The following SPAM1 variants were observed in gnomAD, a reference collection of about 807,000 sequenced individuals.
SPAM1 encodes the protein sperm adhesion molecule 1.
Under a neutral mutation model 29.6 loss-of-function variants are expected in SPAM1, and 22 were observed. The observed-to-expected ratio is 0.74, with a 90% CI of 0.53 to 1.06. SPAM1 has a LOEUF of 1.06. SPAM1 is among the 50% of genes least tolerant of loss of function. The probability of loss-of-function intolerance (pLI) is 0.00; values close to 1 mark genes in which losing one functional copy is unlikely to be tolerated. For missense variants in SPAM1, 534 were observed against 604.0 expected (o/e 0.88, Z 1.21); for synonymous variants, 194 against 204.6 (o/e 0.95, Z 0.44).
At chr7:123,929,485 G>A (rs1807999865) in intron 1 of SPAM1, among the ~76,000 whole-genome samples, 2 of 152,060 alleles carry the variant, frequency 1.3e-5, no homozygotes, top group Admixed American at 6.6e-5. Context: ...GTTGTATATT[G>A]TCACTAACTT....
rs575953513 is a variant in SPAM1 at position 123,933,133 on chromosome 7, C to T, written c.-319+7781C>T. ...GTTTGTTACATAGGTATACATGTGC[C>T]ATGGCGGTTTGCTTCACCTATCAAC... On this transcript the variant is annotated intron_variant, in intron 1 of 4. Coordinates refer to ENST00000682466, the MANE Select transcript of SPAM1 (RefSeq NM_153189.3). Among the ~76,000 whole-genome samples the T allele has an allele frequency of 9.9e-5, 15 of 151,542 alleles. 1 individual carries two copies. Among genetic ancestry groups the T allele is most frequent in the African/African-American group, 3.6e-4 (15 of 41,302 alleles).
At chr7:123,966,464 T>C (rs1792425881) in intron 5 of SPAM1, among the ~76,000 whole-genome samples, 1 of 152,086 alleles carries the variant, frequency 6.6e-6, no homozygotes, top group Non-Finnish European at 1.5e-5. Context: ...TAAAGACACA[T>C]GCACATGTAC....
intron 1 of SPAM1, among the ~76,000 whole-genome samples, chr7:123,929,895 A>ATTTTTTTTTTTT (rs71163712): frequency 0.021 from 2,544 of 119,524 alleles, 117 homozygotes; most frequent in Non-Finnish European, 0.026. Flanking sequence ...GTGTTTAGGG[A>ATTTTTTTTTTTT]TTTTTTTTTT....
chr7:123,926,228 C>G (rs1211577175), intron 1 of SPAM1, among the ~76,000 whole-genome samples: 1 of 152,166 alleles, frequency 6.6e-6, no homozygotes, highest in African/African-American at 2.4e-5. Context: ...CTACCTACTT[C>G]TTTTCCCTTG....
chr7:123,951,336 A>G (rs1203467461), intron 2 of SPAM1, among the ~76,000 whole-genome samples: 2 of 151,954 alleles, frequency 1.3e-5, no homozygotes, highest in East Asian at 3.9e-4. Flanking sequence ...TAGTCTGTCT[A>G]ATAACTTAGT....
Position 123,953,377 on chromosome 7 carries a change from C to A in SPAM1, c.-194C>A. ...ATTTCTTTTTCAGTTATAGGTGATG[C>A]AACTTGAAAAACAATCCTGAAACAT... On this transcript the variant is annotated 5_prime_UTR_variant, in exon 3 of 5. Transcript: ENST00000682466. The A allele has an allele frequency of 2.2e-6, 1 of 464,168 alleles. No individual in the cohort carries two copies. Among genetic ancestry groups the A allele is most frequent in the Admixed American group, 3.9e-5 (1 of 25,442 alleles). 28.8% of individuals were successfully genotyped at this position (464,168 alleles called of 1,614,324 possible). A position where few individuals can be genotyped will look rare whatever the true frequency, so the allele number is the denominator to read the frequency against.
intron 4 of SPAM1, among the ~76,000 whole-genome samples, chr7:123,956,939 A>G (rs1792260253): frequency 6.6e-6 from 1 of 151,932 alleles, no homozygotes; most frequent in Non-Finnish European, 1.5e-5. Context: ...CCTATTAGAG[A>G]GCCAATTTTA....
chr7:123,948,468 C>T (rs147109337), intron 1 of SPAM1, among the ~76,000 whole-genome samples: 58 of 152,184 alleles, frequency 3.8e-4, no homozygotes, highest in Middle Eastern at 3.4e-3. Context: ...TAATTTAGAA[C>T]ACTAAAATTA....
intron 1 of SPAM1, among the ~76,000 whole-genome samples, chr7:123,949,342 GA>G (rs1455539384): frequency 1.3e-5 from 2 of 152,094 alleles, no homozygotes; most frequent in East Asian, 3.9e-4. Flanking sequence ...TGGACACTCA[GA>G]AAATACAAAT....
chr7:123,934,622 A>C, intron 1 of SPAM1, among the ~76,000 whole-genome samples: 1 of 149,702 alleles, frequency 6.7e-6, no homozygotes, highest in Middle Eastern at 3.2e-3. Flanking sequence ...GGATAAAGAA[A>C]ATATGGTATA....
chr7:123,948,390 A>C (rs3808168), intron 1 of SPAM1, among the ~76,000 whole-genome samples: 85,127 of 151,906 alleles, frequency 0.56, 24,283 homozygotes, highest in African/African-American at 0.64. Flanking sequence ...CTTGGGGCCT[A>C]CCGCTCATGT....
rs1792203490 is a variant in SPAM1 at position 123,954,503 on chromosome 7, A to G, written c.933A>G (p.Gln311=). 6.3e-7 allele frequency: 1 copy of G among 1,594,144 alleles called. No homozygotes were observed. The highest frequency in any genetic ancestry group is 1.3e-5 in the African/African-American group (1 of 74,350). The change falls in exon 3 of 5, where the codon CAA becomes CAG. Residue 311 remains glutamine, a synonymous_variant. Transcript: ENST00000682466. ...ATACCCGCATAGTTTTTACTGATCA[A>G]GTTTTGAAATTCCTTTCTCAAGTAA... The part of the protein sequence containing the change: ...FAYTRIVFTD[Q]VLKFLSQDEL...
chr7:123,961,651 T>C (rs1303471939), downstream of SPAM1, among the ~76,000 whole-genome samples: 1 of 151,982 alleles, frequency 6.6e-6, no homozygotes, highest in Admixed American at 6.6e-5. Flanking sequence ...ATCTCTTTGA[T>C]ATATACTGAT....
At chr7:123,947,872 A>G (rs562876745) in intron 1 of SPAM1, 5 of 152,268 alleles carry the variant, frequency 3.3e-5, no homozygotes, top group Admixed American at 2.6e-4. Context: ...AAAGTTCTGT[A>G]ATGTGCCACA....
chr7:123,960,023 G>A lies in SPAM1; in HGVS notation c.*54G>A, dbSNP rs1584963415. 11 of 1,519,088 alleles carry A rather than the reference G, an allele frequency of 7.2e-6. No individual in the cohort carries two copies. The highest frequency in any genetic ancestry group is 1.8e-4 in the Middle Eastern group (1 of 5,640). The allele number at this position is 1,519,088 out of a possible 1,614,324, so 94.1% of individuals were successfully genotyped here. A position where few individuals can be genotyped will look rare whatever the true frequency, so the allele number is the denominator to read the frequency against. ...TGTCCATCTTAAAGTGTGCTTTTTC[G>A]ACTAATTAAATCTTTGAAAAGAACA... On this transcript the variant is annotated 3_prime_UTR_variant, in exon 5 of 5. Coordinates refer to ENST00000682466, the MANE Select transcript of SPAM1 (RefSeq NM_153189.3).
intron 4 of SPAM1, among the ~76,000 whole-genome samples, chr7:123,957,694 T>A (rs1224126326): frequency 1.3e-5 from 2 of 152,072 alleles, no homozygotes; most frequent in Non-Finnish European, 2.9e-5. Context: ...ACAGCAGGGC[T>A]GAATTCCTTT....
intron 2 of SPAM1, 107 bp from the exon 3 acceptor site, chr7:123,953,258 T>C (rs187234964): frequency 4.1e-6 from 1 of 245,890 alleles, no homozygotes; most frequent in East Asian, 8.5e-5. Flanking sequence ...TCCTCCATCT[T>C]CTAAAATGAA....
chr7:123,957,692 G>A (rs1271652742), intron 4 of SPAM1, among the ~76,000 whole-genome samples: 1 of 152,018 alleles, frequency 6.6e-6, no homozygotes, highest in Non-Finnish European at 1.5e-5. Context: ...TGACAGCAGG[G>A]CTGAATTCCT....
At chr7:123,965,393 T>A (rs981167665) in intron 5 of SPAM1, among the ~76,000 whole-genome samples, 1 of 152,050 alleles carries the variant, frequency 6.6e-6, no homozygotes, top group African/African-American at 2.4e-5. Context: ...ATGCCCTGAA[T>A]GGTATTGTCT....
Sources: allele counts gnomAD v4.1 joint callset (sites outside exome capture counted in the v4.1 genomes callset), GRCh38; gene constraint gnomAD v4.1.1; transcripts MANE v1.5; gene names NCBI Gene and HGNC (gene_info 2026-07-23, HGNC 2026-07-21).